MTERF4: variants seen among roughly 807,000 people sequenced by gnomAD.
MTERF4 encodes mitochondrial transcription termination factor 4.
A neutral mutation model predicts 22.5 loss-of-function variants in MTERF4; 17 were observed. The observed-to-expected ratio is 0.75, with a 90% CI of 0.52 to 1.13. The LOEUF is 1.13. MTERF4 is among the 50% of genes most tolerant of loss of function. The pLI, the probability that MTERF4 is intolerant of heterozygous loss-of-function variation, is 0.00. For synonymous variants in MTERF4, 165 were observed against 175.3 expected (o/e 0.94, Z 0.47); for missense variants, 420 against 466.8 (o/e 0.90, Z 0.92).
chr2:241,045,601 A>G, the MTERF4 span, among the ~76,000 whole-genome samples: 1 of 148,366 alleles, frequency 6.7e-6, no homozygotes, highest in Non-Finnish European at 1.5e-5. Context: ...TTATATGTAT[A>G]AAAAAAAAAC....
chr2:241,097,223 A>G lies in MTERF4; in HGVS notation c.705+20T>C. On this transcript the variant is annotated intron_variant, in intron 3 of 3. Coordinates refer to ENST00000391980, the MANE Select transcript of MTERF4 (RefSeq NM_182501.4). ...ATTCTCACCTGAAACTACGCTAATC[A>G]CGCTATCAGTCATTCTCACCTGAAA... 1 of 1,611,960 alleles carries G rather than the reference A, an allele frequency of 6.2e-7. No individual in the cohort carries two copies. Among genetic ancestry groups the G allele is most frequent in the African/African-American group, 1.3e-5 (1 of 75,000 alleles).
intron 1 of MTERF4, among the ~76,000 whole-genome samples, chr2:241,100,806 T>G (rs574388769): frequency 1.3e-5 from 2 of 152,340 alleles, no homozygotes; most frequent in Admixed American, 1.3e-4. Flanking sequence ...TAGTTGAGTT[T>G]TGGAGGAGTC....
rs555687763 is a variant in MTERF4 at position 241,097,215 on chromosome 2, C to T, written c.705+28G>A. On this transcript the variant is annotated intron_variant, in intron 3 of 3. Transcript: ENST00000391980. ...TACCAGTCATTCTCACCTGAAACTA[C>T]GCTAATCACGCTATCAGTCATTCTC... is the stretch of plus-strand genomic sequence containing the variant. 4.3e-6 allele frequency: 7 copies of T among 1,610,098 alleles called. No homozygotes were observed. In the East Asian group the frequency reaches 1.1e-4, roughly 26 times the overall value.
chr2:241,052,068 CCT>C, the MTERF4 span: 2 of 1,613,916 alleles, frequency 1.2e-6, no homozygotes, highest in Non-Finnish European at 1.7e-6. Context: ...GCCTCTGGCC[CCT>C]GTCACAACGG....
At chr2:241,072,006 C>T, downstream of MTERF4, 1 of 853,448 alleles carries the variant, frequency 1.2e-6, no homozygotes, top group Non-Finnish European at 1.9e-6. Context: ...CCAGTGACCC[C>T]CACCCCGACT....
the MTERF4 span, among the ~76,000 whole-genome samples, chr2:241,067,158 T>C: frequency 6.6e-6 from 1 of 152,106 alleles, no homozygotes; most frequent in Non-Finnish European, 1.5e-5. Flanking sequence ...CAGCCAGCCA[T>C]GGTGGGTGGA....
At chr2:241,061,233 A>G in the MTERF4 span, among the ~76,000 whole-genome samples, 4 of 152,242 alleles carry the variant, frequency 2.6e-5, no homozygotes, top group African/African-American at 9.6e-5. Flanking sequence ...ATTTCATGGA[A>G]GAAGAGATAC....
downstream of MTERF4, chr2:241,089,999 T>C: frequency 1.3e-6 from 2 of 1,549,400 alleles, no homozygotes; most frequent in Non-Finnish European, 1.7e-6. Flanking sequence ...GCGCTTAGCG[T>C]AGCTGGAATG....
chr2:241,057,380 A>AAAAAAAAAAAATATATATATATAT, the MTERF4 span, among the ~76,000 whole-genome samples: 1 of 118,132 alleles, frequency 8.5e-6, no homozygotes, highest in African/African-American at 3.8e-5. Context: ...TCCATCTCAA[A>AAAAAAAAAAAATATATATATATAT]ATATATATAT....
chr2:241,057,412 T>C, the MTERF4 span, among the ~76,000 whole-genome samples: 3 of 129,372 alleles, frequency 2.3e-5, no homozygotes, highest in African/African-American at 8.9e-5. Flanking sequence ...TATATATATA[T>C]GCCATACGCA....
At chr2:241,065,619 T>TCCCTGCCCAGC in the MTERF4 span, 6 of 1,603,828 alleles carry the variant, frequency 3.7e-6, no homozygotes, top group Admixed American at 6.8e-5. Flanking sequence ...AGCCTGGCCG[T>TCCCTGCCCAGC]CCCTGCCCAG....
chr2:241,083,488 G>A (rs945661544), downstream of MTERF4, among the ~76,000 whole-genome samples: 5 of 152,204 alleles, frequency 3.3e-5, no homozygotes, highest in East Asian at 1.9e-4. Context: ...ACGGGCAAGG[G>A]TAGAAGCTTC....
the MTERF4 span, chr2:241,051,440 C>T: frequency 2.6e-5 from 8 of 312,748 alleles, no homozygotes; most frequent in South Asian, 2.9e-4. This position sits in a 1 kb window ranked among gnomAD's most constrained non-coding sequence, Gnocchi z 4.7. Flanking sequence ...GTGCTGCGCC[C>T]GCTGCAGTGT....
At chr2:241,050,609 G>C in the MTERF4 span, among the ~76,000 whole-genome samples, 1 of 152,198 alleles carries the variant, frequency 6.6e-6, no homozygotes, top group South Asian at 2.1e-4. Flanking sequence ...TGAAGTCTGA[G>C]CCCTGGACCC....
chr2:241,067,139 T>C, the MTERF4 span, among the ~76,000 whole-genome samples: 1 of 151,916 alleles, frequency 6.6e-6, no homozygotes, highest in Non-Finnish European at 1.5e-5. Context: ...CGCTGCAGAG[T>C]TGGGGCTCCA....
In MTERF4 at chr2:241,075,861, G is replaced by A. The variant is rs924756993; in HGVS notation, n.480-179C>T. Among the ~76,000 whole-genome samples the A allele has an allele frequency of 6.6e-6, 1 of 152,122 alleles. No homozygotes were observed. The highest frequency in any genetic ancestry group is 2.4e-5 in the African/African-American group (1 of 41,418). The stretch of plus-strand genomic sequence containing the variant: ...AGGTCATTAATCTGTTAGACTGTGT[G>A]TGTGTGAGAAGTTGGGCTACAATTT... On this transcript the variant is annotated intron_variant and non_coding_transcript_variant, in intron 4 of 4. Coordinates refer to the MTERF4 transcript ENST00000464344. The surrounding 1 kb of genome is among the most constrained non-coding windows in gnomAD (Gnocchi z 4.8).
chr2:241,069,016 G>A, downstream of MTERF4: 2 of 1,550,320 alleles, frequency 1.3e-6, no homozygotes, highest in Non-Finnish European at 8.7e-7. This position sits in a 1 kb window ranked among gnomAD's most constrained non-coding sequence, Gnocchi z 4.9. Flanking sequence ...CGACGCACGT[G>A]TGGACCCGTG....
At chr2:241,082,225 C>A, downstream of MTERF4, 1 of 1,453,458 alleles carries the variant, frequency 6.9e-7, no homozygotes, top group Non-Finnish European at 9.6e-7. Context: ...TCAAGAGGGG[C>A]AGGAGGAGCC....
the MTERF4 span, among the ~76,000 whole-genome samples, chr2:241,060,036 A>C: frequency 6.6e-6 from 1 of 152,362 alleles, no homozygotes; most frequent in Admixed American, 6.5e-5. Context: ...GAATTCAACT[A>C]GATCCCAGGA....
Sources: gnomAD v4.1 joint callset for allele counts (sites outside exome capture counted in the v4.1 genomes callset) on GRCh38, gnomAD v4.1.1 for gene constraint, Gnocchi (gnomAD v3.1) non-coding constraint, MANE v1.5 for transcripts, NCBI Gene and HGNC (gene_info 2026-07-23, HGNC 2026-07-21) for gene names.